Variants in POLH observed in about 807,000 individuals in gnomAD.
The protein encoded by POLH is DNA polymerase eta transcript.
POLH carries 53 observed loss-of-function variants against 73.6 expected under a neutral mutation model. The observed-to-expected ratio is 0.72, with a 90% CI of 0.58 to 0.91. The LOEUF is 0.91. Among genes scored for constraint, POLH ranks in the 40% least tolerant of loss-of-function variants. The pLI, the probability that POLH is intolerant of heterozygous loss-of-function variation, is 0.00. For missense variants in POLH, 768 were observed against 865.4 expected (o/e 0.89, Z 1.41); for synonymous variants, 292 against 308.5 (o/e 0.95, Z 0.56).
At chr6:43,582,857 G>A in intron 2 of POLH, 150 bp from the exon 3 acceptor site, 1 of 728,520 alleles carries the variant, frequency 1.4e-6, no homozygotes, top group Non-Finnish European at 2.3e-6. Context: ...CTATTTTTGA[G>A]ATTTCTGAAC....
chr6:43,588,931 G>T (rs1187466859), intron 4 of POLH, among the ~76,000 whole-genome samples: 33 of 149,890 alleles, frequency 2.2e-4, no homozygotes, highest in Non-Finnish European at 2.8e-4. Context: ...TCCGCCTCCC[G>T]GGTTCACGCC....
At chr6:43,588,020 G>T (rs1765019615) in intron 4 of POLH, among the ~76,000 whole-genome samples, 1 of 152,188 alleles carries the variant, frequency 6.6e-6, no homozygotes, top group African/African-American at 2.4e-5. Context: ...GCTACAGAGG[G>T]AGACTCCGTC....
At chr6:43,585,902 C>A (rs964555049) in intron 3 of POLH, among the ~76,000 whole-genome samples, 1 of 151,500 alleles carries the variant, frequency 6.6e-6, no homozygotes, top group Admixed American at 6.6e-5. Context: ...CCTCTGCCTC[C>A]CAAAGTGCTG....
chr6:43,609,837 T>C (rs1767688860), intron 9 of POLH, among the ~76,000 whole-genome samples: 1 of 152,176 alleles, frequency 6.6e-6, no homozygotes, highest in Non-Finnish European at 1.5e-5. Context: ...TTGTCCTGCT[T>C]AGACACCATG....
chr6:43,610,717 C>G lies in POLH; in HGVS notation c.1238C>G (p.Thr413Arg), dbSNP rs1375369774. ...IKNCNTSGIQTEWSPPLTMLF... is the reference protein window; with the variant it reads ...IKNCNTSGIQREWSPPLTMLF... ...AACTGTAATACTTCTGGAATCCAGA[C>G]AGAATGGTGAGTTCTTTTCTAGCTC... Residue 413 changes from threonine (T) to arginine (R), a missense_variant, in exon 10 of 11, where the codon ACA becomes AGA. Thr to Arg is a moderately conservative substitution (Grantham distance 71). Coordinates refer to ENST00000372236, the MANE Select transcript of POLH (RefSeq NM_006502.3). 6.2e-7 allele frequency: 1 copy of G among 1,610,812 alleles called. No individual in the cohort carries two copies. The highest frequency in any genetic ancestry group is 1.1e-5 in the South Asian group (1 of 90,956).
intron 7 of POLH, 81 bp from the exon 8 acceptor site, chr6:43,604,534 A>C: frequency 7.0e-7 from 1 of 1,434,618 alleles, no homozygotes; most frequent in South Asian, 1.2e-5. Flanking sequence ...ATAAAAGGGC[A>C]ATATAATATA....
At chr6:43,581,941 T>A (rs1764325471) in intron 1 of POLH, among the ~76,000 whole-genome samples, 1 of 152,108 alleles carries the variant, frequency 6.6e-6, no homozygotes, top group Admixed American at 6.5e-5. Flanking sequence ...AACTGTTTTT[T>A]CCACTCAGGG....
At chr6:43,595,837 G>A (rs1455894772) in intron 4 of POLH, among the ~76,000 whole-genome samples, 1 of 148,870 alleles carries the variant, frequency 6.7e-6, no homozygotes, top group East Asian at 1.9e-4. Context: ...TGGCTTGCAT[G>A]TATTTTTCTT....
intron 9 of POLH, among the ~76,000 whole-genome samples, chr6:43,608,346 G>C (rs1389270311): frequency 2.0e-5 from 3 of 152,168 alleles, no homozygotes; most frequent in African/African-American, 7.2e-5. Context: ...TACATGTCAA[G>C]AATAGTCCAA....
At position 43,620,469 on chromosome 6, in the gene POLH, G is replaced by A. The variant is rs1768641639; in HGVS notation, c.*5912G>A. 1 of 354,904 alleles carries A rather than the reference G, an allele frequency of 2.8e-6. No individual in the cohort carries two copies. The highest frequency in any genetic ancestry group is 2.2e-5 in the African/African-American group (1 of 46,420). 22.0% of individuals were successfully genotyped at this position (354,904 alleles called of 1,614,324 possible). On this transcript the variant is annotated 3_prime_UTR_variant, in exon 11 of 11. Coordinates refer to ENST00000372236, the MANE Select transcript of POLH (RefSeq NM_006502.3). ...CTAGCCCTGGAAGGAAGCTGAGCCT[G>A]TAGCTAACGCATAAGCACAGTGTAT...
chr6:43,586,040 G>T (rs1347744826), intron 3 of POLH, among the ~76,000 whole-genome samples: 1 of 151,788 alleles, frequency 6.6e-6, no homozygotes, highest in Non-Finnish European at 1.5e-5. Flanking sequence ...TCTAATTTGA[G>T]AGTGTTTTAG....
In POLH at chr6:43,587,255, AT is replaced by A; in HGVS notation, c.273-16del. On this transcript the variant is annotated splice_polypyrimidine_tract_variant and intron_variant, in intron 3 of 10. Transcript: ENST00000372236. ...CCTCTGTTTATTGCCTGCATGAATG[AT>A]CCTTATACTTCTTAGGTACCGGGAA... 6.3e-7 allele frequency: 1 copy of A among 1,598,884 alleles called. No individual in the cohort carries two copies. Among genetic ancestry groups the A allele is most frequent in the East Asian group, 2.2e-5 (1 of 44,808 alleles).
chr6:43,609,685 ATGTT>A (rs144432737), intron 9 of POLH, among the ~76,000 whole-genome samples: 94 of 152,314 alleles, frequency 6.2e-4, no homozygotes, highest in African/African-American at 2.1e-3. Context: ...TTGGTGGCGA[ATGTT>A]TGTTTACCAT....
intron 1 of POLH, among the ~76,000 whole-genome samples, chr6:43,580,735 C>G (rs1764005295): frequency 7.4e-6 from 1 of 135,812 alleles, no homozygotes; most frequent in Non-Finnish European, 1.6e-5. Context: ...CCACCTCCCT[C>G]CCGGACGGGG....
At chr6:43,598,048 A>C (rs777380961) in intron 5 of POLH, among the ~76,000 whole-genome samples, 183 bp downstream of exon 5, 1 of 151,964 alleles carries the variant, frequency 6.6e-6, no homozygotes, top group East Asian at 1.9e-4. Context: ...CCCAGTCTCT[A>C]CAAAAAATTA....
At chr6:43,605,723 A>C (rs1163824892) in intron 9 of POLH, among the ~76,000 whole-genome samples, 1 of 150,134 alleles carries the variant, frequency 6.7e-6, no homozygotes, top group Admixed American at 6.6e-5. Context: ...TAATTTTTTA[A>C]TTTTTTTTTG....
chr6:43,576,542 G>A (rs1420464732), intron 1 of POLH, 102 bp downstream of exon 1: 1 of 152,204 alleles, frequency 6.6e-6, no homozygotes, highest in African/African-American at 2.4e-5. Context: ...AAGGTTGCGT[G>A]AAATATAAAT....
chr6:43,607,377 G>A (rs944625181), intron 9 of POLH, among the ~76,000 whole-genome samples: 1 of 152,222 alleles, frequency 6.6e-6, no homozygotes, highest in African/African-American at 2.4e-5. Flanking sequence ...ACAGGCGTGA[G>A]CCACTGCGCC....
intron 9 of POLH, 61 bp from the exon 10 acceptor site, chr6:43,610,493 T>C: frequency 7.3e-7 from 1 of 1,370,224 alleles, no homozygotes; most frequent in Non-Finnish European, 1.0e-6. Flanking sequence ...TGCAGTTCAG[T>C]ACCTAGAATT....
Sources: gnomAD v4.1 joint callset for allele counts (sites outside exome capture counted in the v4.1 genomes callset) on GRCh38, gnomAD v4.1.1 for gene constraint, MANE v1.5 for transcripts, NCBI Gene and HGNC (gene_info 2026-07-23, HGNC 2026-07-21) for gene names.